PIK3C2G: variants seen among roughly 807,000 people sequenced by gnomAD.
The protein encoded by PIK3C2G is phosphatidylinositol 3-kinase C2 domain-containing subunit gamma.
Under a neutral mutation model 181.1 loss-of-function variants are expected in PIK3C2G, and 168 were observed. The ratio of observed to expected loss-of-function variants is 0.93; its 90% CI spans 0.82 to 1.05. The LOEUF is 1.05. Ranked by LOEUF, PIK3C2G falls within the 50% of genes least tolerant of loss-of-function variation. The probability of loss-of-function intolerance (pLI) is 0.00; values close to 1 mark genes in which losing one functional copy is unlikely to be tolerated. For missense variants in PIK3C2G, 1,869 were observed against 1,732.8 expected, an observed-to-expected ratio of 1.08 and a Z score of -1.40; for synonymous variants, 573 against 592.2, an observed-to-expected ratio of 0.97 and a Z score of 0.47.
the PIK3C2G span, among the ~76,000 whole-genome samples, chr12:18,666,091 A>T: frequency 6.6e-6 from 1 of 152,112 alleles, no homozygotes; most frequent in East Asian, 1.9e-4. Flanking sequence ...TTAAGAAAAT[A>T]ACTTAAAAGT....
intron 24 of PIK3C2G, among the ~76,000 whole-genome samples, chr12:18,536,542 G>A (rs1377239424): frequency 6.6e-6 from 1 of 152,056 alleles, no homozygotes; most frequent in African/African-American, 2.4e-5. Flanking sequence ...CTCTGCAAAA[G>A]CCTCTCTCTA....
At chr12:18,550,910 C>A (rs1440589732) in intron 26 of PIK3C2G, among the ~76,000 whole-genome samples, 1 of 152,004 alleles carries the variant, frequency 6.6e-6, no homozygotes, top group East Asian at 1.9e-4. Context: ...CTATTTGAGA[C>A]TTGAAAGAAA....
intron 18 of PIK3C2G, among the ~76,000 whole-genome samples, chr12:18,480,954 G>C (rs989717205): frequency 2.0e-5 from 3 of 151,496 alleles, no homozygotes; most frequent in Non-Finnish European, 1.5e-5. Context: ...ATTTTTTTGA[G>C]ACGGAGTCTC....
the PIK3C2G span, among the ~76,000 whole-genome samples, chr12:18,701,310 A>G: frequency 1.3e-5 from 2 of 152,136 alleles, no homozygotes; most frequent in Non-Finnish European, 2.9e-5. Context: ...TTAAGCAGCT[A>G]ACATAAGAAA....
chr12:18,351,274 A>G (rs1940190502), intron 11 of PIK3C2G, among the ~76,000 whole-genome samples: 1 of 152,102 alleles, frequency 6.6e-6, no homozygotes, highest in Non-Finnish European at 1.5e-5. Flanking sequence ...GCTATTCTTA[A>G]AGTGAAAAAT....
At chr12:18,360,761 A>T (rs1469022243) in intron 11 of PIK3C2G, among the ~76,000 whole-genome samples, 1 of 152,122 alleles carries the variant, frequency 6.6e-6, no homozygotes, top group Admixed American at 6.5e-5. Context: ...CTTGTACATG[A>T]TTAGTCATTT....
At chr12:18,253,969 A>T (rs1424446377) in intron 1 of PIK3C2G, among the ~76,000 whole-genome samples, 1 of 151,974 alleles carries the variant, frequency 6.6e-6, no homozygotes, top group South Asian at 2.1e-4. Context: ...GCCATAAAGC[A>T]GTGAGCATTT....
At chr12:18,587,273 G>A (rs953698460) in intron 29 of PIK3C2G, among the ~76,000 whole-genome samples, 2 of 152,066 alleles carry the variant, frequency 1.3e-5, no homozygotes, top group African/African-American at 4.8e-5. Flanking sequence ...AGCTATCTCT[G>A]TTTGCAAATG....
chr12:18,683,806 C>T, the PIK3C2G span, among the ~76,000 whole-genome samples: 1 of 151,996 alleles, frequency 6.6e-6, no homozygotes, highest in South Asian at 2.1e-4. Flanking sequence ...CTGCTTCTCC[C>T]TTCTGGTTGC....
At chr12:18,585,795 G>T (rs1168280765) in intron 29 of PIK3C2G, among the ~76,000 whole-genome samples, 2 of 152,152 alleles carry the variant, frequency 1.3e-5, no homozygotes, top group Non-Finnish European at 2.9e-5. Flanking sequence ...CACACAATTG[G>T]ACAAATAACA....
At chr12:18,413,085 C>A (rs1944964110) in intron 16 of PIK3C2G, among the ~76,000 whole-genome samples, 1 of 152,160 alleles carries the variant, frequency 6.6e-6, no homozygotes, top group Admixed American at 6.5e-5. Context: ...CCCTTACAAT[C>A]TTAGCCTTCA....
intron 30 of PIK3C2G, among the ~76,000 whole-genome samples, chr12:18,596,935 T>C (rs1565545526): frequency 6.6e-6 from 1 of 152,132 alleles, no homozygotes; most frequent in Non-Finnish European, 1.5e-5. Context: ...TGTTAAGTTG[T>C]TTCTGAAACA....
chr12:18,261,004 C>G (rs904968656), upstream of PIK3C2G, among the ~76,000 whole-genome samples: 1 of 151,690 alleles, frequency 6.6e-6, no homozygotes, highest in Admixed American at 6.6e-5. Flanking sequence ...CATCCTAAGG[C>G]TAAACTAAAA....
chr12:18,433,152 A>G (rs549756813), intron 18 of PIK3C2G, among the ~76,000 whole-genome samples: 1 of 152,298 alleles, frequency 6.6e-6, no homozygotes, highest in African/African-American at 2.4e-5. Context: ...TGTATCCTTG[A>G]AGGAGCTTTG....
At position 18,574,545 on chromosome 12, in the gene PIK3C2G, C is replaced by T. The variant is rs149871584; in HGVS notation, c.4011+7488C>T. ...ACCCCCTCCTTTTTCCCTCCCCATACCACTGCCCCAATTGTGCATCTTTGA... is the reference window on the plus strand; with the variant it reads ...ACCCCCTCCTTTTTCCCTCCCCATATCACTGCCCCAATTGTGCATCTTTGA... On this transcript the variant is annotated intron_variant, in intron 29 of 32. Transcript: ENST00000538779. Among the ~76,000 whole-genome samples, 1,375 of 152,250 alleles carry T rather than the reference C, an allele frequency of 9.0e-3. 6 individuals are homozygous for T. Among genetic ancestry groups the T allele is most frequent in the African/African-American group, 0.019 (773 of 41,534 alleles).
At chr12:18,698,494 A>G in the PIK3C2G span, among the ~76,000 whole-genome samples, 1 of 152,170 alleles carries the variant, frequency 6.6e-6, no homozygotes, top group African/African-American at 2.4e-5. Context: ...ATCTTTGGGT[A>G]TCTATGACCA....
At chr12:18,620,236 G>A (rs1948790886) in intron 31 of PIK3C2G, among the ~76,000 whole-genome samples, 1 of 151,914 alleles carries the variant, frequency 6.6e-6, no homozygotes, top group African/African-American at 2.4e-5. Context: ...TAAGAGAAAG[G>A]TATTAAAATC....
the PIK3C2G span, among the ~76,000 whole-genome samples, chr12:18,710,457 C>T: frequency 6.6e-6 from 1 of 151,970 alleles, no homozygotes; most frequent in Non-Finnish European, 1.5e-5. Context: ...TAATGAAAAA[C>T]TGACCACTTA....
At chr12:18,487,748 G>A (rs903468028) in intron 18 of PIK3C2G, among the ~76,000 whole-genome samples, 8 of 152,122 alleles carry the variant, frequency 5.3e-5, no homozygotes, top group African/African-American at 1.9e-4. Flanking sequence ...GCTATGAGAC[G>A]TGGATGAACT....
Sources: gnomAD v4.1 joint callset for allele counts (sites outside exome capture counted in the v4.1 genomes callset) on GRCh38, gnomAD v4.1.1 for gene constraint, MANE v1.5 for transcripts, NCBI Gene and HGNC (gene_info 2026-07-23, HGNC 2026-07-21) for gene names.